Variants in ARB2A observed in about 807,000 individuals in gnomAD.
ARB2A encodes the protein ARB2 cotranscriptional regulator A.
At chr5:93,826,335 T>A in the ARB2A span, among the ~76,000 whole-genome samples, 1 of 152,292 alleles carries the variant, frequency 6.6e-6, no homozygotes, top group Admixed American at 6.5e-5. Context: ...TTTTTAGAAA[T>A]TTTATAATAA....
the ARB2A span, among the ~76,000 whole-genome samples, chr5:93,950,135 C>A: frequency 6.6e-6 from 1 of 152,170 alleles, no homozygotes; most frequent in Non-Finnish European, 1.5e-5. Flanking sequence ...TAGGTTGTTT[C>A]CAAATCTTGG....
At chr5:93,752,523 T>C in the ARB2A span, among the ~76,000 whole-genome samples, 1 of 152,186 alleles carries the variant, frequency 6.6e-6, no homozygotes, top group Non-Finnish European at 1.5e-5. Context: ...TTTTCACAAA[T>C]TGGTTCAGAA....
At chr5:93,906,084 G>A in the ARB2A span, among the ~76,000 whole-genome samples, 1 of 151,352 alleles carries the variant, frequency 6.6e-6, no homozygotes, top group East Asian at 1.9e-4. Context: ...ATCAACCAAC[G>A]TAGCAATGAG....
chr5:93,978,526 T>C, the ARB2A span, among the ~76,000 whole-genome samples: 194 of 152,064 alleles, frequency 1.3e-3, no homozygotes, highest in African/African-American at 4.4e-3. Context: ...CAAAACCAAA[T>C]ACTACATGTT....
At chr5:93,800,781 T>C in the ARB2A span, among the ~76,000 whole-genome samples, 1 of 152,128 alleles carries the variant, frequency 6.6e-6, no homozygotes, top group Non-Finnish European at 1.5e-5. Context: ...AATGTTTACT[T>C]AATTATGTTG....
chr5:94,103,081 C>T, the ARB2A span, among the ~76,000 whole-genome samples: 3 of 151,948 alleles, frequency 2.0e-5, no homozygotes, highest in African/African-American at 7.2e-5. Context: ...CTTAAGTACA[C>T]AGACCATTGA....
At chr5:93,724,573 T>C in the ARB2A span, among the ~76,000 whole-genome samples, 1 of 152,076 alleles carries the variant, frequency 6.6e-6, no homozygotes, top group Non-Finnish European at 1.5e-5. Context: ...AAATAAAATA[T>C]TTTATGATAA....
At chr5:93,822,778 AAATT>A in the ARB2A span, among the ~76,000 whole-genome samples, 12 of 152,086 alleles carry the variant, frequency 7.9e-5, no homozygotes, top group African/African-American at 1.9e-4. Context: ...CAAAATAAAT[AAATT>A]AATTCAGCAT....
chr5:93,660,568 G>T, the ARB2A span, among the ~76,000 whole-genome samples: 1 of 152,174 alleles, frequency 6.6e-6, no homozygotes, highest in Non-Finnish European at 1.5e-5. Context: ...GAAAGTTTGT[G>T]CAGGATAGTA....
At chr5:94,011,936 CAAAAAAAAAAA>C in the ARB2A span, among the ~76,000 whole-genome samples, 5 of 30,182 alleles carry the variant, frequency 1.7e-4, no homozygotes, top group African/African-American at 4.9e-4. Flanking sequence ...AAAGGGTAGA[CAAAAAAAAAAA>C]AAAAAAAAAA....
the ARB2A span, among the ~76,000 whole-genome samples, chr5:93,674,462 A>G: frequency 1.3e-5 from 2 of 152,310 alleles, no homozygotes; most frequent in African/African-American, 4.8e-5. Flanking sequence ...GGCACACACA[A>G]AAAAGAATAT....
At chr5:93,683,498 A>G in the ARB2A span, 730 of 1,578,782 alleles carry the variant, frequency 4.6e-4, 6 homozygotes, top group South Asian at 5.5e-3. Context: ...TGCCAGTGTT[A>G]CTTTAATTGG....
the ARB2A span, among the ~76,000 whole-genome samples, chr5:93,707,863 C>T: frequency 6.6e-6 from 1 of 152,136 alleles, no homozygotes; most frequent in African/African-American, 2.4e-5. Flanking sequence ...GGATGAGCCA[C>T]CGCGCTCGAC....
the ARB2A span, among the ~76,000 whole-genome samples, chr5:93,953,120 T>C: frequency 6.6e-6 from 1 of 152,212 alleles, no homozygotes; most frequent in African/African-American, 2.4e-5. Context: ...TGAAAGGTCA[T>C]ATATCTCTGT....
chr5:93,689,025 C>T, the ARB2A span, among the ~76,000 whole-genome samples: 274 of 152,278 alleles, frequency 1.8e-3, 1 homozygote, highest in Non-Finnish European at 3.0e-3. Context: ...CTTAGAATCC[C>T]TTTTCCAAGT....
chr5:93,919,005 G>A, the ARB2A span, among the ~76,000 whole-genome samples: 714 of 152,208 alleles, frequency 4.7e-3, 3 homozygotes, highest in South Asian at 8.5e-3. Flanking sequence ...ACAATCACCC[G>A]TAAAACATTA....
chr5:93,641,780 G>A, the ARB2A span, among the ~76,000 whole-genome samples: 1 of 152,054 alleles, frequency 6.6e-6, no homozygotes, highest in Non-Finnish European at 1.5e-5. Flanking sequence ...TAAAAATACA[G>A]CAGTAAAGCT....
chr5:94,037,313 G>A, the ARB2A span, among the ~76,000 whole-genome samples: 1 of 152,136 alleles, frequency 6.6e-6, no homozygotes, highest in South Asian at 2.1e-4. Context: ...AGAGATGAAA[G>A]TAAAAGGAGT....
the ARB2A span, among the ~76,000 whole-genome samples, chr5:93,667,665 T>C: frequency 6.6e-6 from 1 of 152,138 alleles, no homozygotes; most frequent in South Asian, 2.1e-4. Context: ...TGCTATGTTG[T>C]CCAGGCTGGT....
Sources: gnomAD v4.1 joint callset for allele counts (sites outside exome capture counted in the v4.1 genomes callset) on GRCh38, gnomAD v4.1.1 for gene constraint, MANE v1.5 for transcripts, NCBI Gene and HGNC (gene_info 2026-07-23, HGNC 2026-07-21) for gene names.